Variants in KCNT1 observed in about 807,000 individuals in gnomAD.
KCNT1 encodes potassium sodium-activated channel subfamily T member 1, also known as potassium channel subfamily T member 1.
A neutral mutation model predicts 147.8 loss-of-function variants in KCNT1; 78 were observed. That is an observed-to-expected ratio of 0.53 (90% confidence interval 0.44 to 0.64). The LOEUF (loss-of-function observed/expected upper bound fraction) is 0.64, where lower values mean the gene tolerates loss of function less well. KCNT1 is among the 30% of genes least tolerant of loss of function. The pLI, the probability that KCNT1 is intolerant of heterozygous loss-of-function variation, is 0.00. For missense variants in KCNT1, 1,419 were observed against 1,750.3 expected, an observed-to-expected ratio of 0.81 and a Z score of 3.38; for synonymous variants, 867 against 748.8, an observed-to-expected ratio of 1.16 and a Z score of -2.58.
intron 5 of KCNT1, among the ~76,000 whole-genome samples, chr9:135,754,551 G>A (rs11103165): frequency 0.12 from 18,478 of 152,218 alleles, 1,312 homozygotes; most frequent in South Asian, 0.18. Context: ...GAACCTGCAA[G>A]GCATGTCCCC....
chr9:135,774,891 A>G (rs1453203984), intron 19 of KCNT1, among the ~76,000 whole-genome samples: 1 of 151,870 alleles, frequency 6.6e-6, no homozygotes, highest in Non-Finnish European at 1.5e-5. Flanking sequence ...TGAGGGCCCT[A>G]CCCACCCCTC....
intron 2 of KCNT1, among the ~76,000 whole-genome samples, chr9:135,748,824 C>T (rs992549259): frequency 6.6e-6 from 1 of 152,248 alleles, no homozygotes; most frequent in East Asian, 1.9e-4. Context: ...GCCCCCACAC[C>T]ATCCCTGAGG....
rs1354540149 is a variant in KCNT1 at position 135,769,148 on chromosome 9, C to T, written c.1510+211C>T. ...GTGCGTCTGGGGCAGGGCGCATGTG[C>T]ACACGTGGGTGACGGTGCGTCTGGG... On this transcript the variant is annotated intron_variant, in intron 15 of 30. Transcript: ENST00000371757. Among the ~76,000 whole-genome samples the T allele has an allele frequency of 6.9e-4, 69 of 99,448 alleles. 1 individual carries two copies. The highest frequency in any genetic ancestry group is 1.1e-3 in the Non-Finnish European group (48 of 43,254). The allele number at this position is 99,448 out of a possible 152,430, so 65.2% of individuals were successfully genotyped here.
chr9:135,790,142 T>G (rs1834384719), intron 29 of KCNT1: 1 of 151,804 alleles, frequency 6.6e-6, no homozygotes, highest in African/African-American at 2.4e-5. Context: ...TGAAATGAGC[T>G]GGTGGCCCCT....
chr9:135,732,953 T>A (rs1830166728), intron 2 of KCNT1, among the ~76,000 whole-genome samples: 1 of 151,922 alleles, frequency 6.6e-6, no homozygotes, highest in African/African-American at 2.4e-5. Flanking sequence ...CACCCCCTGG[T>A]TGCCTCCTGA....
chr9:135,750,801 A>G, intron 3 of KCNT1, 141 bp from the exon 4 acceptor site: 1 of 725,006 alleles, frequency 1.4e-6, no homozygotes, highest in South Asian at 1.6e-5. Context: ...CGCAGGGCAC[A>G]CAGAGCTCTG....
At chr9:135,741,503 C>T (rs1830567099) in intron 2 of KCNT1, among the ~76,000 whole-genome samples, 1 of 152,244 alleles carries the variant, frequency 6.6e-6, no homozygotes, top group Non-Finnish European at 1.5e-5. Context: ...CAGAATCTGC[C>T]AGAAGCTCCC....
Position 135,730,573 on chromosome 9 carries a change from G to T in KCNT1, c.254+15853G>T, listed in dbSNP as rs1422010550. On this transcript the variant is annotated intron_variant, in intron 2 of 30. Coordinates refer to ENST00000371757, the MANE Select transcript of KCNT1 (RefSeq NM_020822.3). This position sits in a 1 kb window ranked among gnomAD's most constrained non-coding sequence, Gnocchi z 4.7. ...GAGGAGGGGCCCAGCCGGGGAGGGT[G>T]GTGGTCACCGGAAGCTGGAAGAGGC... Among the ~76,000 whole-genome samples, 1 of 152,158 alleles carries T rather than the reference G, an allele frequency of 6.6e-6. No individual in the cohort carries two copies. Among genetic ancestry groups the T allele is most frequent in the Non-Finnish European group, 1.5e-5 (1 of 68,028 alleles).
chr9:135,759,957 G>C, intron 11 of KCNT1, 98 bp downstream of exon 11: 1 of 1,184,830 alleles, frequency 8.4e-7, no homozygotes, highest in Non-Finnish European at 1.2e-6. Flanking sequence ...ACAGTGCGGG[G>C]GCCACTCCCA....
At position 135,759,433 on chromosome 9, in the gene KCNT1, C is replaced by T. The variant is rs540541644; in HGVS notation, c.855-246C>T. On this transcript the variant is annotated intron_variant, in intron 10 of 30. Transcript: ENST00000371757. ...GGGAATTCGCCGTGAACAGAGGCCG[C>T]CATGCTGTGGCCAAGCTGCATTGTC... Among the ~76,000 whole-genome samples the T allele has an allele frequency of 3.7e-4, 56 of 152,350 alleles. No homozygotes were observed. In the South Asian group the frequency reaches 0.011, roughly 29 times the overall value.
chr9:135,726,277 G>A (rs563297343), intron 2 of KCNT1, among the ~76,000 whole-genome samples: 133 of 152,152 alleles, frequency 8.7e-4, no homozygotes, highest in Non-Finnish European at 1.6e-3. Context: ...AGCAGCCCCC[G>A]GGGGAGACTC....
At chr9:135,786,798 G>A (rs898131797) in intron 29 of KCNT1, among the ~76,000 whole-genome samples, 27 of 152,354 alleles carry the variant, frequency 1.8e-4, no homozygotes, top group Admixed American at 1.4e-3. Flanking sequence ...CATCCCTGGT[G>A]TGAGCCCCGT....
chr9:135,727,390 TCTCTCTCCCA>T (rs938248376), intron 2 of KCNT1, among the ~76,000 whole-genome samples: 1 of 122,740 alleles, frequency 8.1e-6, no homozygotes, highest in Non-Finnish European at 1.7e-5. Context: ...TCTCTCTCCC[TCTCTCTCCCA>T]CTCTCTCCCT....
chr9:135,708,188 A>G (rs1343963812), intron 1 of KCNT1, among the ~76,000 whole-genome samples: 1 of 152,166 alleles, frequency 6.6e-6, no homozygotes, highest in African/African-American at 2.4e-5. Context: ...GGATGCCCAC[A>G]CACATACAGG....
chr9:135,712,188 C>T lies in KCNT1; in HGVS notation c.111-2389C>T, dbSNP rs143801086. On this transcript the variant is annotated intron_variant, in intron 1 of 30. Coordinates refer to ENST00000371757, the MANE Select transcript of KCNT1 (RefSeq NM_020822.3). ...CTAGGGGGTGTGCTGTGTCCCGTCA[C>T]CTCAGCCCTGGCTCCAAGGGGTGTG... Among the ~76,000 whole-genome samples the T allele has an allele frequency of 6.0e-3, 907 of 152,234 alleles. 3 individuals carry two copies. Among genetic ancestry groups the T allele is most frequent in the African/African-American group, 0.019 (807 of 41,544 alleles).
At chr9:135,742,610 C>T (rs926865712) in intron 2 of KCNT1, among the ~76,000 whole-genome samples, 2 of 61,632 alleles carry the variant, frequency 3.2e-5, no homozygotes, top group Non-Finnish European at 7.3e-5. Context: ...GTCCGGGCCC[C>T]CCAGAGCCTC....
chr9:135,732,598 T>A (rs1394497990), intron 2 of KCNT1, among the ~76,000 whole-genome samples: 1 of 152,166 alleles, frequency 6.6e-6, no homozygotes, highest in Non-Finnish European at 1.5e-5. Flanking sequence ...GCTGCTGAGA[T>A]GAACAGGCTC....
chr9:135,708,262 C>A (rs1410526442), intron 1 of KCNT1, among the ~76,000 whole-genome samples: 2 of 152,214 alleles, frequency 1.3e-5, no homozygotes, highest in African/African-American at 2.4e-5. Context: ...ATACATATGC[C>A]CATGTACATG....
At position 135,765,011 on chromosome 9, in the gene KCNT1, C is replaced by T. The variant is rs1832158740; in HGVS notation, c.1036-20C>T. ...CTCCCCAGGCCTGGTCGCTGGTGCT[C>T]ACCTGTTTCTCACCTGCAGTTCGAG... On this transcript the variant is annotated intron_variant, in intron 11 of 30. Coordinates refer to ENST00000371757, the MANE Select transcript of KCNT1 (RefSeq NM_020822.3). The T allele has an allele frequency of 6.3e-7, 1 of 1,597,278 alleles. No individual in the cohort carries two copies. The highest frequency in any genetic ancestry group is 8.6e-7 in the Non-Finnish European group (1 of 1,167,264).
Sources: gnomAD v4.1 joint callset for allele counts (sites outside exome capture counted in the v4.1 genomes callset) on GRCh38, gnomAD v4.1.1 for gene constraint, Gnocchi (gnomAD v3.1) non-coding constraint, MANE v1.5 for transcripts, NCBI Gene and HGNC (gene_info 2026-07-23, HGNC 2026-07-21) for gene names.